The following NFIB variants were observed in gnomAD, a reference collection of about 807,000 sequenced individuals.
The protein encoded by NFIB is nuclear factor 1 B-type.
NFIB carries 11 observed loss-of-function variants against 61.5 expected under a neutral mutation model. That is an observed-to-expected ratio of 0.18 (90% confidence interval 0.11 to 0.30). NFIB has a LOEUF of 0.30. NFIB is among the 10% of genes least tolerant of loss of function. The probability of loss-of-function intolerance (pLI) is 1.00; values close to 1 mark genes in which losing one functional copy is unlikely to be tolerated. For missense variants in NFIB, 471 were observed against 608.9 expected (o/e 0.77, Z 2.38); for synonymous variants, 260 against 216.5 (o/e 1.20, Z -1.76).
intron 3 of NFIB, among the ~76,000 whole-genome samples, chr9:14,169,088 G>T (rs1230217731): frequency 6.6e-6 from 1 of 152,104 alleles, no homozygotes; most frequent in African/African-American, 2.4e-5. Context: ...TTCAGAAAAT[G>T]ACAGCAGTCC....
chr9:14,269,879 T>C (rs1203766442), intron 2 of NFIB, among the ~76,000 whole-genome samples: 1 of 152,176 alleles, frequency 6.6e-6, no homozygotes, highest in Non-Finnish European at 1.5e-5. Flanking sequence ...TAATTTTTAC[T>C]TTACTCCTCT....
At chr9:14,262,549 G>A (rs1175603281) in intron 2 of NFIB, among the ~76,000 whole-genome samples, 1 of 152,208 alleles carries the variant, frequency 6.6e-6, no homozygotes, top group Non-Finnish European at 1.5e-5. Context: ...GGAGCGCAAT[G>A]GGATTGTGGT....
chr9:14,427,322 G>C, the NFIB span, among the ~76,000 whole-genome samples: 1 of 151,996 alleles, frequency 6.6e-6, no homozygotes, highest in Non-Finnish European at 1.5e-5. Flanking sequence ...GCTTTCTCTG[G>C]ACCAGATACT....
intron 2 of NFIB, among the ~76,000 whole-genome samples, chr9:14,234,976 TCTTTTAGA>T (rs2053600036): frequency 6.6e-6 from 1 of 152,124 alleles, no homozygotes; most frequent in South Asian, 2.1e-4. Context: ...AATAACCAAA[TCTTTTAGA>T]CTTTTAAATC....
chr9:14,143,122 A>T (rs2041932798), intron 6 of NFIB, among the ~76,000 whole-genome samples: 1 of 152,138 alleles, frequency 6.6e-6, no homozygotes, highest in East Asian at 1.9e-4. Context: ...ATTCATGTCT[A>T]TATTTGCAGA....
chr9:14,336,297 G>T (rs1239835951), intron 1 of NFIB, among the ~76,000 whole-genome samples: 1 of 152,194 alleles, frequency 6.6e-6, no homozygotes, highest in Non-Finnish European at 1.5e-5. Context: ...TTTATTCAAA[G>T]ATATGTTTTT....
the NFIB span, among the ~76,000 whole-genome samples, chr9:14,529,087 A>G: frequency 1.3e-5 from 2 of 152,154 alleles, no homozygotes; most frequent in Non-Finnish European, 2.9e-5. Context: ...TATTTAACAC[A>G]CACACAGGAG....
At chr9:14,420,172 C>T in the NFIB span, among the ~76,000 whole-genome samples, 8,302 of 152,076 alleles carry the variant, frequency 0.055, 337 homozygotes, top group South Asian at 0.12. Flanking sequence ...AAGAGCCGGG[C>T]GTGCTGGCAC....
At chr9:14,375,137 C>T (rs2061402961) in intron 1 of NFIB, among the ~76,000 whole-genome samples, 1 of 152,110 alleles carries the variant, frequency 6.6e-6, no homozygotes, top group African/African-American at 2.4e-5. Context: ...AAGACTTATT[C>T]CCAACATAAG....
chr9:14,267,467 A>G (rs1220025608), intron 2 of NFIB, among the ~76,000 whole-genome samples: 1 of 152,192 alleles, frequency 6.6e-6, no homozygotes, highest in Non-Finnish European at 1.5e-5. Context: ...GACGTCACAA[A>G]TGAGTACTGA....
At chr9:14,321,990 A>G in intron 1 of NFIB, 2 of 1,230,822 alleles carry the variant, frequency 1.6e-6, no homozygotes, top group Non-Finnish European at 2.0e-6. Flanking sequence ...CTGTAACAGA[A>G]CCCTGGGCCG....
chr9:14,214,760 C>A (rs2050674310), intron 2 of NFIB, among the ~76,000 whole-genome samples: 1 of 152,164 alleles, frequency 6.6e-6, no homozygotes, highest in African/African-American at 2.4e-5. Flanking sequence ...ACTCTCTTTT[C>A]CATTGGAAAT....
chr9:14,214,190 C>T (rs563919860), intron 2 of NFIB, among the ~76,000 whole-genome samples: 1 of 152,270 alleles, frequency 6.6e-6, no homozygotes, highest in Admixed American at 6.5e-5. Context: ...TCTCTGAGCA[C>T]ATCCCTGAAT....
At chr9:14,452,471 G>A in the NFIB span, among the ~76,000 whole-genome samples, 24 of 53,692 alleles carry the variant, frequency 4.5e-4, 1 homozygote, top group African/African-American at 2.8e-3. Flanking sequence ...GGAAAGGAAA[G>A]GAAAGGAAAG....
the NFIB span, among the ~76,000 whole-genome samples, chr9:14,421,913 G>A: frequency 6.6e-6 from 1 of 152,094 alleles, no homozygotes; most frequent in Non-Finnish European, 1.5e-5. Context: ...AGCAGAATTA[G>A]AATTGCTACT....
At chr9:14,305,232 C>A (rs1387513127) in intron 2 of NFIB, among the ~76,000 whole-genome samples, 1 of 152,108 alleles carries the variant, frequency 6.6e-6, no homozygotes, top group East Asian at 1.9e-4. Flanking sequence ...AATGTGCATG[C>A]AGGCAGGCAC....
intron 2 of NFIB, chr9:14,204,807 C>G (rs754768642): frequency 4.0e-6 from 2 of 494,420 alleles, no homozygotes; most frequent in Non-Finnish European, 7.5e-6. Context: ...AAGGGGAAGA[C>G]AAGACTGGGA....
At chr9:14,250,838 G>A (rs975802898) in intron 2 of NFIB, among the ~76,000 whole-genome samples, 5 of 152,116 alleles carry the variant, frequency 3.3e-5, no homozygotes, top group South Asian at 4.1e-4. Flanking sequence ...GAGAAGTCAC[G>A]TTTATTCAAA....
rs1289288045 is a variant in NFIB at position 14,150,056 on chromosome 9, T to TTACC, written c.806+85_806+88dup. ...AGCAAAAATTATTTCCCATCTCTCTTTACCTACCTACCTATCTATCTGCCT... is the reference window on the plus strand; with the variant it reads ...AGCAAAAATTATTTCCCATCTCTCTTTACCTACCTACCTACCTATCTATCTGCCT... On this transcript the variant is annotated intron_variant, in intron 5 of 10. Coordinates refer to ENST00000380953, the MANE Select transcript of NFIB (RefSeq NM_001190737.2). The TTACC allele has an allele frequency of 2.6e-6, 4 of 1,546,392 alleles. No homozygotes were observed. In the African/African-American group the frequency reaches 5.5e-5, roughly 21 times the overall value.
Sources: allele counts gnomAD v4.1 joint callset (sites outside exome capture counted in the v4.1 genomes callset), GRCh38; gene constraint gnomAD v4.1.1; transcripts MANE v1.5; gene names NCBI Gene and HGNC (gene_info 2026-07-23, HGNC 2026-07-21).